MTA1: variants seen among roughly 807,000 people sequenced by gnomAD.
MTA1 encodes metastasis associated 1.
In MTA1, 15 loss-of-function variants were observed where a neutral mutation model predicts 97.0. The observed-to-expected ratio is 0.15, with a 90% CI of 0.10 to 0.24. MTA1 has a LOEUF of 0.24. Ranked by LOEUF, MTA1 falls within the 10% of genes least tolerant of loss-of-function variation. MTA1 has a pLI of 1.00. For synonymous variants in MTA1, 435 were observed against 417.5 expected (o/e 1.04, Z -0.51); for missense variants, 709 against 1,015.1 (o/e 0.70, Z 4.10).
Position 105,463,589 on chromosome 14 carries a change from G to A in MTA1, c.1076+38G>A, listed in dbSNP as rs373768992. The A allele has an allele frequency of 4.1e-5, 66 of 1,591,138 alleles. 1 individual carries two copies. The highest frequency in any genetic ancestry group is 6.7e-5 in the East Asian group (3 of 44,742). ...TCACAGCCGTCGTCCTCGTGGCCCC[G>A]GGGGCCAGGGAGGGTGGGCACAGGG... is the stretch of plus-strand genomic sequence containing the variant. On this transcript the variant is annotated intron_variant, in intron 12 of 20. Coordinates refer to ENST00000331320, the MANE Select transcript of MTA1 (RefSeq NM_004689.4). This position sits in a 1 kb window ranked among gnomAD's most constrained non-coding sequence, Gnocchi z 5.9.
At chr14:105,454,780 T>A (rs1209680039) in intron 7 of MTA1, 1 of 157,374 alleles carries the variant, frequency 6.4e-6, no homozygotes, top group South Asian at 1.8e-4. Flanking sequence ...CTAATTTTTT[T>A]ATTTTTAGTA....
intron 1 of MTA1, among the ~76,000 whole-genome samples, chr14:105,431,466 A>G (rs2141437225): frequency 6.6e-6 from 1 of 152,362 alleles, no homozygotes; most frequent in East Asian, 1.9e-4. Flanking sequence ...CAGATGGGAC[A>G]TCACTACAGA....
At chr14:105,456,558 C>T (rs587603571) in intron 7 of MTA1, among the ~76,000 whole-genome samples, 12 of 152,360 alleles carry the variant, frequency 7.9e-5, no homozygotes, top group East Asian at 1.9e-4. Context: ...GGGGCCGGGA[C>T]GTGGCGTCCA....
intron 2 of MTA1, among the ~76,000 whole-genome samples, chr14:105,442,310 G>A (rs782809166): frequency 1.3e-5 from 2 of 152,212 alleles, no homozygotes; most frequent in Admixed American, 1.3e-4. Flanking sequence ...TTTCCTGACT[G>A]AGGCCTTGGA....
rs923517245 is a variant in MTA1, at chr14:105,464,796, C to T, written c.1467C>T (p.Ile489=). The change falls in exon 15 of 21, where the codon ATC becomes ATT. Residue 489 remains isoleucine (I), a synonymous_variant. Transcript: ENST00000331320. ...TRIARRLCRE[I]LRPWHAARHP... ...TCGCCCGGCGCCTGTGCCGTGAGAT[C>T]CTGCGCCCGTGGCACGCTGCGCGGC... is the stretch of plus-strand genomic sequence containing the variant. 4 of 1,605,546 alleles carry T rather than the reference C, an allele frequency of 2.5e-6. No individual in the cohort carries two copies. The highest frequency in any genetic ancestry group is 3.4e-6 in the Non-Finnish European group (4 of 1,174,342).
In MTA1 at chr14:105,469,957, G is replaced by C. The variant is rs143446199; in HGVS notation, c.1962G>C (p.Pro654=). 7.4e-6 allele frequency: 12 copies of C among 1,612,446 alleles called. No individual in the cohort carries two copies. In the East Asian group the frequency reaches 2.7e-4, roughly 36 times the overall value. The change falls in exon 20 of 21, where the codon CCG becomes CCC. Residue 654 remains proline (P), a synonymous_variant. Transcript: ENST00000331320. ...GGCGGATGAACTGGATCGACGCCCC[G>C]GATGACGTGTTCTACATGGCCACAG... ...KRRRMNWIDA[P]DDVFYMATEE... is the part of the protein sequence containing the mutation.
At chr14:105,465,284 T>A in intron 16 of MTA1, 101 bp downstream of exon 16, 1 of 1,067,166 alleles carries the variant, frequency 9.4e-7, no homozygotes, top group Non-Finnish European at 1.3e-6. Context: ...AGCTGGGAGC[T>A]CCTGGACAGC....
chr14:105,462,763 G>A (rs2083406599), intron 10 of MTA1, among the ~76,000 whole-genome samples: 1 of 152,136 alleles, frequency 6.6e-6, no homozygotes, highest in Admixed American at 6.6e-5. Context: ...CAGCTACTCA[G>A]GAGACAGAGG....
intron 6 of MTA1, among the ~76,000 whole-genome samples, chr14:105,451,185 G>T (rs1041362835): frequency 4.6e-5 from 7 of 152,328 alleles, no homozygotes; most frequent in African/African-American, 1.4e-4. Flanking sequence ...GGCCATCGGC[G>T]CTCTGGCATG....
At chr14:105,423,475 C>T (rs1295987361) in intron 1 of MTA1, among the ~76,000 whole-genome samples, 5 of 151,996 alleles carry the variant, frequency 3.3e-5, no homozygotes, top group Non-Finnish European at 7.4e-5. Context: ...CTTCGGCCTC[C>T]GAAAGTGCTG....
chr14:105,453,131 T>C (rs149372252), intron 6 of MTA1, among the ~76,000 whole-genome samples: 4 of 152,368 alleles, frequency 2.6e-5, no homozygotes, highest in Non-Finnish European at 5.9e-5. Context: ...GGAAATGCCA[T>C]CCCAGAGGCA....
At chr14:105,464,207 C>G in intron 13 of MTA1, 60 bp downstream of exon 13, 1 of 1,546,182 alleles carries the variant, frequency 6.5e-7, no homozygotes, top group Middle Eastern at 1.7e-4. Flanking sequence ...GTGGTGCCTG[C>G]GTTGGCCCTG....
intron 1 of MTA1, among the ~76,000 whole-genome samples, chr14:105,434,881 ACT>A (rs1227621829): frequency 6.6e-6 from 1 of 151,978 alleles, no homozygotes; most frequent in African/African-American, 2.4e-5. Context: ...TTTTTTGTAG[ACT>A]CTGGGGATTT....
intron 1 of MTA1, among the ~76,000 whole-genome samples, chr14:105,434,649 C>T (rs1396339641): frequency 1.3e-5 from 2 of 152,096 alleles, no homozygotes; most frequent in African/African-American, 2.4e-5. Context: ...CGGGCATACA[C>T]CACCACACCC....
chr14:105,445,742 G>A (rs782553088), intron 3 of MTA1: 135 of 652,800 alleles, frequency 2.1e-4, no homozygotes, highest in Non-Finnish European at 3.6e-4. Flanking sequence ...GGAGTGGTCT[G>A]TCTCTCACTG....
rs201448979 is a variant in MTA1, at chr14:105,470,351, C to CGGACACT, written c.*139_*145dup. Reference sequence around the variant, plus strand: ...ACCTGCAGAGAAACGCGCTCCTTGGCGGACACTGGGGGAGGAGAGGAAGAA... The same window carrying CGGACACT: ...ACCTGCAGAGAAACGCGCTCCTTGGCGGACACTGGACACTGGGGGAGGAGAGGAAGAA... On this transcript the variant is annotated 3_prime_UTR_variant, in exon 21 of 21. Coordinates refer to ENST00000331320, the MANE Select transcript of MTA1 (RefSeq NM_004689.4). 3.2e-3 allele frequency: 2,200 copies of CGGACACT among 690,020 alleles called. 54 individuals carry two copies. In the African/African-American group the frequency reaches 0.038, roughly 12 times the overall value. The allele number at this position is 690,020 out of a possible 1,614,324, so 42.7% of individuals were successfully genotyped here.
chr14:105,434,880 G>T (rs1258734823), intron 1 of MTA1, among the ~76,000 whole-genome samples: 1 of 152,152 alleles, frequency 6.6e-6, no homozygotes, highest in African/African-American at 2.4e-5. Context: ...TTTTTTTGTA[G>T]ACTCTGGGGA....
At chr14:105,452,212 G>A (rs587611156) in intron 6 of MTA1, among the ~76,000 whole-genome samples, 4 of 152,326 alleles carry the variant, frequency 2.6e-5, no homozygotes, top group East Asian at 1.9e-4. Context: ...GCCCCTGGGC[G>A]ATCGTGCCCC....
At chr14:105,436,960 C>T (rs1390428016) in intron 1 of MTA1, among the ~76,000 whole-genome samples, 1 of 152,236 alleles carries the variant, frequency 6.6e-6, no homozygotes, top group Non-Finnish European at 1.5e-5. Flanking sequence ...GTGACACAGA[C>T]CCACAGGCCC....
Sources: gnomAD v4.1 joint callset for allele counts (sites outside exome capture counted in the v4.1 genomes callset) on GRCh38, gnomAD v4.1.1 for gene constraint, Gnocchi (gnomAD v3.1) non-coding constraint, MANE v1.5 for transcripts, NCBI Gene and HGNC (gene_info 2026-07-23, HGNC 2026-07-21) for gene names.